DSCAML1: variants seen among roughly 807,000 people sequenced by gnomAD.
The protein encoded by DSCAML1 is cell adhesion molecule DSCAML1.
A neutral mutation model predicts 200.5 loss-of-function variants in DSCAML1; 38 were observed. That is an observed-to-expected ratio of 0.19 (90% confidence interval 0.15 to 0.25). The LOEUF is 0.25. Among genes scored for constraint, DSCAML1 ranks in the 10% least tolerant of loss-of-function variants. The pLI, the probability that DSCAML1 is intolerant of heterozygous loss-of-function variation, is 1.00. For synonymous variants in DSCAML1, 1,215 were observed against 1,165.0 expected (o/e 1.04, Z -0.87); for missense variants, 2,223 against 2,858.8 (o/e 0.78, Z 5.07).
chr11:117,595,468 T>A (rs184469465), intron 3 of DSCAML1, among the ~76,000 whole-genome samples: 27 of 152,366 alleles, frequency 1.8e-4, no homozygotes, highest in African/African-American at 6.3e-4. Context: ...TTTCATTTTA[T>A]ATTCCAATGA....
chr11:117,566,184 A>T (rs575715731), intron 3 of DSCAML1, among the ~76,000 whole-genome samples: 1 of 152,326 alleles, frequency 6.6e-6, no homozygotes, highest in South Asian at 2.1e-4. Flanking sequence ...CTATAGAGTG[A>T]CTTGTACAAA....
chr11:117,626,945 C>T (rs998932105), intron 3 of DSCAML1, among the ~76,000 whole-genome samples: 1 of 152,164 alleles, frequency 6.6e-6, no homozygotes, highest in Non-Finnish European at 1.5e-5. Context: ...GGTGGAAACC[C>T]GCAAAAGAAA....
rs535723061 is a variant in DSCAML1, at chr11:117,516,340, G to A, written c.1783+127C>T. 2.5e-6 allele frequency: 3 copies of A among 1,221,344 alleles called. No individual in the cohort carries two copies. The African/African-American group carries it at 4.6e-5, about 19-fold the overall frequency. The allele number at this position is 1,221,344 out of a possible 1,614,324, so 75.7% of individuals were successfully genotyped here. ...CCCTTTTTTCTGAATGCCAAGCTGG[G>A]GCCTCTCTTGCTCAGCCTTCCGTTC... On this transcript the variant is annotated intron_variant, in intron 8 of 32. Transcript: ENST00000651296. The surrounding 1 kb of genome is among the most constrained non-coding windows in gnomAD (Gnocchi z 5.7).
intron 3 of DSCAML1, among the ~76,000 whole-genome samples, chr11:117,756,553 G>C (rs768196614): frequency 1.3e-5 from 2 of 152,140 alleles, no homozygotes; most frequent in African/African-American, 4.8e-5. Flanking sequence ...ACTAAGACTA[G>C]AGACAATTTT....
At chr11:117,486,879 G>A (rs1204776131) in intron 11 of DSCAML1, among the ~76,000 whole-genome samples, 3 of 53,978 alleles carry the variant, frequency 5.6e-5, no homozygotes, top group Admixed American at 2.0e-4. Context: ...TTTCAAAAAT[G>A]TAGGAAGAAA....
chr11:117,599,983 A>C (rs1027238824), intron 3 of DSCAML1, among the ~76,000 whole-genome samples: 4 of 152,172 alleles, frequency 2.6e-5, no homozygotes, highest in Non-Finnish European at 4.4e-5. Context: ...TCTGCCAAAA[A>C]GTGTCATCTG....
At chr11:117,788,070 G>C (rs758473998) in intron 1 of DSCAML1, among the ~76,000 whole-genome samples, 1 of 152,150 alleles carries the variant, frequency 6.6e-6, no homozygotes, top group Non-Finnish European at 1.5e-5. Context: ...CCTTTATGTT[G>C]CATCTTGGAA....
intron 16 of DSCAML1, among the ~76,000 whole-genome samples, chr11:117,468,774 G>C (rs1055666991): frequency 2.6e-5 from 4 of 152,202 alleles, no homozygotes; most frequent in Non-Finnish European, 4.4e-5. Flanking sequence ...GTGTGAGTGT[G>C]AGTGTGAGTG....
At chr11:117,446,870 A>T (rs994037355) in intron 20 of DSCAML1, among the ~76,000 whole-genome samples, 2 of 152,240 alleles carry the variant, frequency 1.3e-5, no homozygotes, top group Admixed American at 6.5e-5. Context: ...AAATATGTGC[A>T]TAAAGATTTC....
chr11:117,612,508 G>A (rs1485209543), intron 3 of DSCAML1, among the ~76,000 whole-genome samples: 1 of 152,152 alleles, frequency 6.6e-6, no homozygotes, highest in Non-Finnish European at 1.5e-5. Context: ...AGATACAAAG[G>A]TAGTTTTGCT....
At chr11:117,690,807 A>T (rs2137718843) in intron 3 of DSCAML1, among the ~76,000 whole-genome samples, 1 of 152,282 alleles carries the variant, frequency 6.6e-6, no homozygotes, top group East Asian at 1.9e-4. Flanking sequence ...TCATGAAGCT[A>T]CCACAGGGAA....
intron 3 of DSCAML1, among the ~76,000 whole-genome samples, chr11:117,731,171 A>G (rs2054211692): frequency 6.9e-6 from 1 of 145,768 alleles, no homozygotes; most frequent in Non-Finnish European, 1.5e-5. Flanking sequence ...AGCTGCTACT[A>G]AAAAAAAAAT....
intron 3 of DSCAML1, among the ~76,000 whole-genome samples, chr11:117,586,965 C>G (rs1010270693): frequency 3.3e-5 from 5 of 152,136 alleles, no homozygotes; most frequent in Non-Finnish European, 7.4e-5. Context: ...CCAGGATGCT[C>G]CTCCATCACC....
chr11:117,528,426 C>T (rs1258021361), intron 4 of DSCAML1, among the ~76,000 whole-genome samples: 1 of 152,206 alleles, frequency 6.6e-6, no homozygotes, highest in African/African-American at 2.4e-5. Flanking sequence ...GCGGCGTGTA[C>T]ATGGCGACAG....
chr11:117,581,190 G>A lies in DSCAML1; in HGVS notation c.512-48668C>T, dbSNP rs150447166. ...TTTGAGGCAGGAAGGGTCTCCCCAC[G>A]GTAATGATAATAATATAAGTTACCA... On this transcript the variant is annotated intron_variant, in intron 3 of 32. Transcript: ENST00000651296. Among the ~76,000 whole-genome samples the A allele has an allele frequency of 2.2e-4, 33 of 152,178 alleles. No individual in the cohort carries two copies. In the East Asian group the frequency reaches 5.6e-3, roughly 26 times the overall value.
chr11:117,764,240 G>A (rs1247134345), intron 3 of DSCAML1, among the ~76,000 whole-genome samples: 1 of 151,902 alleles, frequency 6.6e-6, no homozygotes, highest in Non-Finnish European at 1.5e-5. Flanking sequence ...GGCACTGCTG[G>A]GGTCTACACA....
chr11:117,693,892 C>T (rs886771738), intron 3 of DSCAML1, among the ~76,000 whole-genome samples: 14 of 151,906 alleles, frequency 9.2e-5, no homozygotes, highest in African/African-American at 2.9e-4. Context: ...TGTCCTGTGG[C>T]CATCATGTTC....
chr11:117,482,722 G>A (rs554007285), intron 11 of DSCAML1, among the ~76,000 whole-genome samples: 12 of 152,262 alleles, frequency 7.9e-5, no homozygotes, highest in South Asian at 2.1e-4. Flanking sequence ...GCATTCTGTC[G>A]CTTATGTTCA....
chr11:117,796,194 C>G (rs935283655), intron 1 of DSCAML1, among the ~76,000 whole-genome samples: 1 of 152,236 alleles, frequency 6.6e-6, no homozygotes, highest in Non-Finnish European at 1.5e-5. Context: ...ACGCAGCGCC[C>G]CAGCCGCAGG....
Sources: allele counts gnomAD v4.1 joint callset (sites outside exome capture counted in the v4.1 genomes callset), GRCh38; gene constraint gnomAD v4.1.1; non-coding constraint Gnocchi (gnomAD v3.1); transcripts MANE v1.5; gene names NCBI Gene and HGNC (gene_info 2026-07-23, HGNC 2026-07-21).